TTC29: variants seen among roughly 807,000 people sequenced by gnomAD.
TTC29 encodes tetratricopeptide repeat protein 29.
A neutral mutation model predicts 58.1 loss-of-function variants in TTC29; 49 were observed. The ratio of observed to expected loss-of-function variants is 0.84; its 90% confidence interval spans 0.67 to 1.07. The LOEUF is 1.07. Ranked by LOEUF, TTC29 falls within the 50% of genes least tolerant of loss-of-function variation. The probability of loss-of-function intolerance (pLI) is 0.00; values close to 1 mark genes in which losing one functional copy is unlikely to be tolerated. For synonymous variants in TTC29, 209 were observed against 196.8 expected, an observed-to-expected ratio of 1.06 and a Z score of -0.52; for missense variants, 582 against 555.6, an observed-to-expected ratio of 1.05 and a Z score of -0.48.
rs750042088 is a variant in TTC29 at position 146,903,649 on chromosome 4, G to C, written c.481C>G (p.His161Asp). ...NNSEDKWVRN[H>D]FYERCFKIAQ... ...ATCTTAAAACATCGTTCATAGAAGTGGTTCCTTACCCACTTGTCTTCAGAA... is the reference window on the plus strand; with the variant it reads ...ATCTTAAAACATCGTTCATAGAAGTCGTTCCTTACCCACTTGTCTTCAGAA... The change falls in exon 6 of 13, where the codon CAC (histidine) becomes GAC (aspartate). Residue 161 changes from histidine to aspartate, a missense_variant. Coordinates refer to ENST00000325106, the MANE Select transcript of TTC29 (RefSeq NM_031956.4). 39 of 1,612,686 alleles carry C rather than the reference G, an allele frequency of 2.4e-5. No homozygotes were observed. Among genetic ancestry groups the C allele is most frequent in the Admixed American group, 3.3e-5 (2 of 59,838 alleles).
chr4:146,892,828 C>T (rs1732475812), intron 6 of TTC29, among the ~76,000 whole-genome samples: 1 of 152,206 alleles, frequency 6.6e-6, no homozygotes, highest in South Asian at 2.1e-4. Flanking sequence ...TAGGCAACTT[C>T]AGCAAAGTCT....
intron 5 of TTC29, 27 bp downstream of exon 5, chr4:146,908,999 T>G (rs1439168212): frequency 6.3e-7 from 1 of 1,597,954 alleles, no homozygotes; most frequent in East Asian, 2.2e-5. Flanking sequence ...GCTCCTTCTG[T>G]GCTCTGCCCA....
chr4:146,940,723 G>A (rs1736305716), intron 2 of TTC29, among the ~76,000 whole-genome samples: 1 of 152,220 alleles, frequency 6.6e-6, no homozygotes, highest in Admixed American at 6.5e-5. Flanking sequence ...GTCTCCTCAT[G>A]TGGCATGGAC....
intron 6 of TTC29, among the ~76,000 whole-genome samples, chr4:146,884,525 C>T (rs1301813762): frequency 6.6e-6 from 1 of 152,030 alleles, no homozygotes; most frequent in Non-Finnish European, 1.5e-5. Flanking sequence ...TACTAGGAAG[C>T]CTGAATGGAA....
chr4:146,815,243 A>T (rs2150133535), intron 10 of TTC29, among the ~76,000 whole-genome samples: 1 of 152,176 alleles, frequency 6.6e-6, no homozygotes, highest in East Asian at 1.9e-4. Context: ...CTGATGTGAC[A>T]GTTGCAGAGA....
At chr4:146,779,201 T>C (rs1296362924) in intron 11 of TTC29, among the ~76,000 whole-genome samples, 1 of 152,000 alleles carries the variant, frequency 6.6e-6, no homozygotes, top group African/African-American at 2.4e-5. Flanking sequence ...TTAAAAAATA[T>C]TTTATAATAG....
At chr4:146,791,425 T>C (rs561097639) in intron 11 of TTC29, among the ~76,000 whole-genome samples, 1 of 152,224 alleles carries the variant, frequency 6.6e-6, no homozygotes, top group Non-Finnish European at 1.5e-5. Context: ...TTATTGTAAT[T>C]GTTTTGGGAT....
intron 7 of TTC29, among the ~76,000 whole-genome samples, chr4:146,873,994 C>A (rs1731095989): frequency 6.6e-6 from 1 of 152,120 alleles, no homozygotes; most frequent in Admixed American, 6.6e-5. Context: ...AACAAAATAT[C>A]TGTGCATTTC....
intron 10 of TTC29, among the ~76,000 whole-genome samples, chr4:146,811,485 C>G (rs1751021087): frequency 6.6e-6 from 1 of 152,082 alleles, no homozygotes; most frequent in African/African-American, 2.4e-5. Context: ...CCTTTAGGCT[C>G]CACCATCTCC....
At chr4:146,717,061 G>A (rs1441542405) in intron 11 of TTC29, among the ~76,000 whole-genome samples, 2 of 152,012 alleles carry the variant, frequency 1.3e-5, no homozygotes, top group East Asian at 1.9e-4. Flanking sequence ...TAATTCATTC[G>A]CCCATTAAAG....
intron 11 of TTC29, among the ~76,000 whole-genome samples, chr4:146,722,662 CA>C (rs1743457179): frequency 6.6e-6 from 1 of 152,066 alleles, no homozygotes; most frequent in Non-Finnish European, 1.5e-5. Flanking sequence ...TTACCATATT[CA>C]AAAAGTAACT....
intron 11 of TTC29, among the ~76,000 whole-genome samples, chr4:146,732,369 C>A (rs548939714): frequency 7.2e-5 from 11 of 152,190 alleles, no homozygotes; most frequent in African/African-American, 2.4e-4. Context: ...GATTCCTTTT[C>A]TTGTTCCCAA....
chr4:146,831,354 C>A (rs1728146709), intron 9 of TTC29, among the ~76,000 whole-genome samples: 1 of 152,086 alleles, frequency 6.6e-6, no homozygotes, highest in South Asian at 2.1e-4. Flanking sequence ...CCACTTTGGC[C>A]TCCCAAAGTG....
At chr4:146,797,832 T>TTATATATATATATATATATATA (rs70958528) in intron 11 of TTC29, among the ~76,000 whole-genome samples, 178 of 129,964 alleles carry the variant, frequency 1.4e-3, no homozygotes, top group African/African-American at 2.3e-3. Flanking sequence ...TTACTTTGTT[T>TTATATATATATATATATATATA]TATATATATA....
chr4:146,904,621 T>C (rs1579953248), intron 5 of TTC29, among the ~76,000 whole-genome samples: 1 of 152,344 alleles, frequency 6.6e-6, no homozygotes, highest in Non-Finnish European at 1.5e-5. Flanking sequence ...ATGTCTTTTG[T>C]ATTTATGCTG....
At chr4:146,745,170 C>T (rs1383538021) in intron 11 of TTC29, among the ~76,000 whole-genome samples, 1 of 152,102 alleles carries the variant, frequency 6.6e-6, no homozygotes, top group Non-Finnish European at 1.5e-5. Context: ...TGAGAGGGCT[C>T]CAGAAGTTGG....
intron 4 of TTC29, among the ~76,000 whole-genome samples, chr4:146,914,801 T>C (rs984108030): frequency 1.3e-5 from 2 of 152,096 alleles, no homozygotes; most frequent in African/African-American, 4.8e-5. Flanking sequence ...TGAATTCACA[T>C]CAACATCTCC....
intron 11 of TTC29, among the ~76,000 whole-genome samples, chr4:146,781,928 C>T (rs1408164182): frequency 6.6e-6 from 1 of 151,762 alleles, no homozygotes; most frequent in African/African-American, 2.4e-5. Context: ...AAAACCTTGA[C>T]TTTTAATTTT....
intron 11 of TTC29, among the ~76,000 whole-genome samples, chr4:146,733,996 T>C (rs747948191): frequency 1.2e-4 from 19 of 152,188 alleles, no homozygotes; most frequent in Non-Finnish European, 2.5e-4. Context: ...AAGCCTTTCT[T>C]TCTAATAAAT....
Sources: gnomAD v4.1 joint callset for allele counts (sites outside exome capture counted in the v4.1 genomes callset) on GRCh38, gnomAD v4.1.1 for gene constraint, MANE v1.5 for transcripts, NCBI Gene and HGNC (gene_info 2026-07-23, HGNC 2026-07-21) for gene names.